The following CNTN4 variants were observed in gnomAD, a reference collection of about 807,000 sequenced individuals.
The protein encoded by CNTN4 is contactin 4.
CNTN4 carries 77 observed loss-of-function variants against 122.5 expected under a neutral mutation model. The observed-to-expected ratio is 0.63, with a 90% CI of 0.52 to 0.76. The LOEUF is 0.76. Among genes scored for constraint, CNTN4 ranks in the 30% least tolerant of loss-of-function variants. The pLI is 0.00. For missense variants in CNTN4, 1,256 were observed against 1,259.1 expected, an observed-to-expected ratio of 1.00 and a Z score of 0.04; for synonymous variants, 512 against 447.0, an observed-to-expected ratio of 1.15 and a Z score of -1.83.
chr3:3,053,906 G>C lies in CNTN4; in HGVS notation c.2911G>C (p.Glu971Gln). The change falls in exon 24 of 25, where the codon GAA becomes CAA. Residue 971 changes from glutamate to glutamine, a missense_variant. Transcript: ENST00000418658. ...GCCTTTCGATGAAGATTATATAATA[G>C]AAATTAAGCCATTCAGCGACGGAGG... ...SLPFDEDYII[E>Q]IKPFSDGGDG... The C allele has an allele frequency of 6.2e-7, 1 of 1,614,146 alleles. No individual in the cohort carries two copies. Among genetic ancestry groups the C allele is most frequent in the Non-Finnish European group, 8.5e-7 (1 of 1,180,014 alleles).
chr3:2,811,091 C>T (rs1433050044), intron 6 of CNTN4, among the ~76,000 whole-genome samples: 1 of 151,650 alleles, frequency 6.6e-6, no homozygotes, highest in Non-Finnish European at 1.5e-5. Context: ...GGTACATTGA[C>T]TTAGGAATAT....
intron 2 of CNTN4, among the ~76,000 whole-genome samples, chr3:2,235,451 T>A (rs138035138): frequency 3.5e-3 from 526 of 152,274 alleles, no homozygotes; most frequent in Non-Finnish European, 6.7e-3. Context: ...ATTTAACACA[T>A]TCAGTATCTT....
chr3:2,857,161 A>G (rs2093626447), intron 7 of CNTN4, among the ~76,000 whole-genome samples: 1 of 152,226 alleles, frequency 6.6e-6, no homozygotes, highest in South Asian at 2.1e-4. Context: ...TGAAGCGGGC[A>G]TAAGTGTGGA....
At chr3:2,745,799 T>C (rs556214182) in intron 6 of CNTN4, 102 bp downstream of exon 6, 1 of 1,025,644 alleles carries the variant, frequency 9.7e-7, no homozygotes, top group East Asian at 2.5e-5. Flanking sequence ...TAGATTTTAA[T>C]TGGTTACATG....
At chr3:2,818,741 T>C (rs1466876571) in intron 6 of CNTN4, among the ~76,000 whole-genome samples, 1 of 152,220 alleles carries the variant, frequency 6.6e-6, no homozygotes, top group African/African-American at 2.4e-5. Flanking sequence ...TATAAATGTC[T>C]TATCTCTCTA....
At chr3:2,292,330 A>T (rs913417657) in intron 2 of CNTN4, among the ~76,000 whole-genome samples, 4 of 152,226 alleles carry the variant, frequency 2.6e-5, no homozygotes, top group Non-Finnish European at 4.4e-5. Flanking sequence ...CTTAGGATTT[A>T]TTGAAACACA....
At chr3:2,825,502 G>A (rs1241862071) in intron 7 of CNTN4, among the ~76,000 whole-genome samples, 1 of 152,118 alleles carries the variant, frequency 6.6e-6, no homozygotes, top group Non-Finnish European at 1.5e-5. Context: ...GATTACAGGT[G>A]TGAGCCATCG....
At chr3:2,553,766 A>C (rs2078609730) in intron 3 of CNTN4, among the ~76,000 whole-genome samples, 1 of 152,188 alleles carries the variant, frequency 6.6e-6, no homozygotes, top group East Asian at 1.9e-4. Context: ...CTGATATATC[A>C]TGAAAAGTTA....
intron 2 of CNTN4, chr3:2,110,650 A>G (rs1357222268): frequency 6.6e-6 from 1 of 152,182 alleles, no homozygotes; most frequent in Non-Finnish European, 1.5e-5. Context: ...AATAAAATAC[A>G]CAAGCTGTTC....
intron 2 of CNTN4, among the ~76,000 whole-genome samples, chr3:2,248,944 G>A (rs1037606747): frequency 6.6e-6 from 1 of 151,794 alleles, no homozygotes; most frequent in Non-Finnish European, 1.5e-5. Context: ...GTATTCCCTC[G>A]TACCCTCCAA....
chr3:2,625,479 T>C (rs948366514), intron 4 of CNTN4, among the ~76,000 whole-genome samples: 4 of 152,318 alleles, frequency 2.6e-5, no homozygotes, highest in Middle Eastern at 3.4e-3. Context: ...GTGATACCAG[T>C]CTCTTCCCTC....
chr3:2,658,480 A>G (rs2083704489), intron 4 of CNTN4, among the ~76,000 whole-genome samples: 1 of 152,186 alleles, frequency 6.6e-6, no homozygotes, highest in South Asian at 2.1e-4. Context: ...CAAAGACGGA[A>G]AAGTAAAGCA....
At chr3:2,822,935 G>T (rs1361184729) in intron 7 of CNTN4, among the ~76,000 whole-genome samples, 1 of 151,964 alleles carries the variant, frequency 6.6e-6, no homozygotes, top group South Asian at 2.1e-4. Context: ...GAAATGGCGT[G>T]CACATTAACG....
chr3:2,718,850 A>G (rs561773325), intron 4 of CNTN4, among the ~76,000 whole-genome samples: 1 of 152,214 alleles, frequency 6.6e-6, no homozygotes, highest in Non-Finnish European at 1.5e-5. Flanking sequence ...AAATGTAGAC[A>G]TATGCACATT....
chr3:2,902,773 G>A (rs1289876283), intron 11 of CNTN4, 103 bp from the exon 12 acceptor site: 1 of 1,273,794 alleles, frequency 7.9e-7, no homozygotes, highest in Admixed American at 2.0e-5. Flanking sequence ...TATGATGGCT[G>A]TTTTCTTCCC....
chr3:2,683,419 G>A (rs574638760), intron 4 of CNTN4, among the ~76,000 whole-genome samples: 3 of 151,520 alleles, frequency 2.0e-5, no homozygotes, highest in Non-Finnish European at 4.4e-5. Context: ...CCTGATACTA[G>A]TTTTCAATGA....
intron 7 of CNTN4, among the ~76,000 whole-genome samples, chr3:2,850,263 C>T (rs569027855): frequency 1.6e-4 from 25 of 152,298 alleles, no homozygotes; most frequent in African/African-American, 5.3e-4. Flanking sequence ...GCAGGGATTA[C>T]AGGCGTGAGC....
chr3:2,561,262 T>C (rs1181389002), intron 3 of CNTN4, among the ~76,000 whole-genome samples: 1 of 152,154 alleles, frequency 6.6e-6, no homozygotes, highest in African/African-American at 2.4e-5. Context: ...ATTTGGGAGG[T>C]TAGCAGAATT....
At chr3:2,676,207 A>T (rs2084834151) in intron 4 of CNTN4, among the ~76,000 whole-genome samples, 1 of 152,060 alleles carries the variant, frequency 6.6e-6, no homozygotes, top group Non-Finnish European at 1.5e-5. Context: ...CTGAAGATGT[A>T]ACCGACTGAG....
Sources: allele counts gnomAD v4.1 joint callset (sites outside exome capture counted in the v4.1 genomes callset), GRCh38; gene constraint gnomAD v4.1.1; transcripts MANE v1.5; gene names NCBI Gene and HGNC (gene_info 2026-07-23, HGNC 2026-07-21).